RBMS3: variants seen among roughly 807,000 people sequenced by gnomAD.
RBMS3 encodes RNA-binding motif, single-stranded-interacting protein 3.
Under a neutral mutation model 66.8 loss-of-function variants are expected in RBMS3, and 27 were observed. That is an observed-to-expected ratio of 0.40 (90% confidence interval 0.30 to 0.56). RBMS3 has a LOEUF of 0.56. RBMS3 is among the 20% of genes least tolerant of loss of function. RBMS3 has a pLI of 0.40. For synonymous variants in RBMS3, 188 were observed against 183.0 expected (o/e 1.03, Z -0.22); for missense variants, 513 against 549.5 (o/e 0.93, Z 0.66).
At chr3:29,508,824 AAACCGTT>A (rs66969331) in intron 3 of RBMS3, among the ~76,000 whole-genome samples, 30,540 of 148,836 alleles carry the variant, frequency 0.21, 3,871 homozygotes, top group Admixed American at 0.3. Flanking sequence ...CAACAGTGTA[AAACCGTT>A]CCTATTTCTC....
At chr3:29,437,906 T>C (rs2041459811) in intron 2 of RBMS3, among the ~76,000 whole-genome samples, 1 of 152,154 alleles carries the variant, frequency 6.6e-6, no homozygotes, top group Admixed American at 6.6e-5. Context: ...CTTTCTCCAA[T>C]CCCCTCGTGC....
chr3:29,698,661 A>C, intron 4 of RBMS3: 3 of 973,848 alleles, frequency 3.1e-6, no homozygotes, highest in Non-Finnish European at 3.7e-6. Context: ...AAGTCTTCTC[A>C]TTTGCTTTTT....
intron 12 of RBMS3, among the ~76,000 whole-genome samples, chr3:29,972,033 G>A (rs150611003): frequency 4.5e-4 from 68 of 152,156 alleles, no homozygotes; most frequent in African/African-American, 1.6e-3. Context: ...GAATTGAATG[G>A]GAGTGGAATA....
At chr3:29,963,555 C>T (rs1696622046) in intron 12 of RBMS3, among the ~76,000 whole-genome samples, 2 of 152,100 alleles carry the variant, frequency 1.3e-5, no homozygotes, top group Non-Finnish European at 2.9e-5. Context: ...TGGCTAAGCT[C>T]GGTGTCTCAT....
intron 6 of RBMS3, among the ~76,000 whole-genome samples, chr3:29,854,854 A>T (rs1016157264): frequency 6.6e-6 from 1 of 152,198 alleles, no homozygotes; most frequent in African/African-American, 2.4e-5. Flanking sequence ...TAAGTTTTAT[A>T]GTCCAAAATA....
intron 4 of RBMS3, among the ~76,000 whole-genome samples, chr3:29,597,196 T>A (rs552860404): frequency 1.8e-4 from 28 of 152,044 alleles, no homozygotes; most frequent in African/African-American, 6.5e-4. Flanking sequence ...ACATGTTTTT[T>A]TAAAGATGTT....
chr3:29,704,438 T>G (rs977081213), intron 4 of RBMS3, among the ~76,000 whole-genome samples: 2 of 152,240 alleles, frequency 1.3e-5, no homozygotes, highest in African/African-American at 4.8e-5. Context: ...TCCATTTAAA[T>G]GTCTAGTTAT....
intron 3 of RBMS3, among the ~76,000 whole-genome samples, chr3:29,585,520 C>T (rs1347954289): frequency 6.6e-6 from 1 of 152,094 alleles, no homozygotes; most frequent in Non-Finnish European, 1.5e-5. Flanking sequence ...TTACCCTAAC[C>T]TCAGTTTCTT....
intron 2 of RBMS3, among the ~76,000 whole-genome samples, chr3:29,472,699 A>G (rs1212827882): frequency 6.6e-6 from 1 of 151,380 alleles, no homozygotes; most frequent in African/African-American, 2.4e-5. Context: ...CGTTCCTCCC[A>G]GTGGGTTCGT....
At chr3:29,459,187 T>A (rs1482845830) in intron 2 of RBMS3, among the ~76,000 whole-genome samples, 1 of 152,198 alleles carries the variant, frequency 6.6e-6, no homozygotes, top group Non-Finnish European at 1.5e-5. Context: ...TAAACATACA[T>A]CATATTTTCT....
chr3:29,666,298 G>A (rs949848980), intron 4 of RBMS3, among the ~76,000 whole-genome samples: 1 of 152,056 alleles, frequency 6.6e-6, no homozygotes, highest in African/African-American at 2.4e-5. Flanking sequence ...TTTTCAAATT[G>A]TCTGTTTTCA....
At chr3:29,587,280 AAGAG>A (rs375288341) in intron 4 of RBMS3, 75 bp downstream of exon 4, 19 of 638,936 alleles carry the variant, frequency 3.0e-5, no homozygotes, top group East Asian at 9.6e-5. Context: ...GTGTGTGTGA[AAGAG>A]AGAGAGAGAG....
At chr3:29,580,880 A>C (rs9832147) in intron 3 of RBMS3, among the ~76,000 whole-genome samples, 8,955 of 152,106 alleles carry the variant, frequency 0.059, 538 homozygotes, top group East Asian at 0.31. Flanking sequence ...TGTATAGTGG[A>C]TATTGTTACC....
At chr3:29,961,133 TTC>T (rs1235423143) in intron 12 of RBMS3, among the ~76,000 whole-genome samples, 1 of 152,162 alleles carries the variant, frequency 6.6e-6, no homozygotes, top group Non-Finnish European at 1.5e-5. Context: ...TAGAAATTTC[TTC>T]CACCAGATAC....
intron 3 of RBMS3, among the ~76,000 whole-genome samples, chr3:29,542,860 G>T (rs749007672): frequency 7.2e-5 from 11 of 152,160 alleles, no homozygotes; most frequent in Non-Finnish European, 1.5e-4. Flanking sequence ...AAAGATCAGA[G>T]AATCTCTTAA....
At chr3:29,765,336 C>T (rs1197999259) in intron 6 of RBMS3, among the ~76,000 whole-genome samples, 1 of 151,812 alleles carries the variant, frequency 6.6e-6, no homozygotes, top group Non-Finnish European at 1.5e-5. Context: ...ATATTTGATT[C>T]CATATTTAAG....
intron 4 of RBMS3, among the ~76,000 whole-genome samples, chr3:29,732,671 G>GCA (rs2054185694): frequency 6.6e-6 from 1 of 152,062 alleles, no homozygotes; most frequent in Non-Finnish European, 1.5e-5. Flanking sequence ...ATGCCTTTAG[G>GCA]GCAGTTTGTT....
chr3:29,703,427 A>G (rs1271929131), intron 4 of RBMS3, among the ~76,000 whole-genome samples: 3 of 152,234 alleles, frequency 2.0e-5, no homozygotes, highest in Non-Finnish European at 4.4e-5. Flanking sequence ...GGTTGCCAGA[A>G]ACAACTTAAT....
chr3:29,613,507 ATATTTGTTTGTCT>A (rs2048560983), intron 4 of RBMS3, among the ~76,000 whole-genome samples: 1 of 152,104 alleles, frequency 6.6e-6, no homozygotes, highest in Non-Finnish European at 1.5e-5. Flanking sequence ...GAAACACAGA[ATATTTGTTTGTCT>A]TTTGAGAAAT....
Sources: gnomAD v4.1 joint callset for allele counts (sites outside exome capture counted in the v4.1 genomes callset) on GRCh38, gnomAD v4.1.1 for gene constraint, MANE v1.5 for transcripts, NCBI Gene and HGNC (gene_info 2026-07-23, HGNC 2026-07-21) for gene names.